The following AGMO variants were observed in gnomAD, a reference collection of about 807,000 sequenced individuals.
The protein encoded by AGMO is alkylglycerol monooxygenase, also known as glyceryl-ether monooxygenase.
Under a neutral mutation model 60.2 loss-of-function variants are expected in AGMO, and 75 were observed. The ratio of observed to expected loss-of-function variants is 1.25; its 90% CI spans 1.03 to 1.51. The LOEUF (loss-of-function observed/expected upper bound fraction) is 1.51. Among genes scored for constraint, AGMO ranks in the 40% most tolerant of loss-of-function variants. The pLI, the probability that AGMO is intolerant of heterozygous loss-of-function variation, is 0.00. For missense variants in AGMO, 763 were observed against 525.5 expected (o/e 1.45, Z -4.42); for synonymous variants, 261 against 177.1 (o/e 1.47, Z -3.76).
At chr7:15,424,617 T>C (rs961401485) in intron 4 of AGMO, among the ~76,000 whole-genome samples, 30 of 152,340 alleles carry the variant, frequency 2.0e-4, no homozygotes, top group African/African-American at 6.0e-4. Flanking sequence ...TGACGCATGC[T>C]AGCATTAGTC....
At chr7:15,463,005 A>G (rs954168106) in intron 3 of AGMO, among the ~76,000 whole-genome samples, 6 of 152,182 alleles carry the variant, frequency 3.9e-5, no homozygotes, top group Admixed American at 3.9e-4. Flanking sequence ...ATGTGAATCA[A>G]GTTAGCTGGA....
chr7:15,374,142 T>G (rs1245039980), intron 10 of AGMO, among the ~76,000 whole-genome samples: 1 of 151,578 alleles, frequency 6.6e-6, no homozygotes, highest in Non-Finnish European at 1.5e-5. Flanking sequence ...GACACCATAC[T>G]GCAATGTATA....
intron 5 of AGMO, among the ~76,000 whole-genome samples, chr7:15,414,045 T>A (rs1343908446): frequency 1.3e-5 from 2 of 152,130 alleles, no homozygotes; most frequent in African/African-American, 4.8e-5. Flanking sequence ...TCTCACTCTG[T>A]CACCCAGGCT....
chr7:15,181,534 T>G, the AGMO span, among the ~76,000 whole-genome samples: 3 of 152,206 alleles, frequency 2.0e-5, no homozygotes, highest in Admixed American at 6.5e-5. Context: ...CCTATTCTAT[T>G]TTTGTTCTAG....
intron 12 of AGMO, among the ~76,000 whole-genome samples, chr7:15,266,393 G>A (rs983300725): frequency 3.4e-5 from 5 of 148,854 alleles, no homozygotes; most frequent in African/African-American, 4.9e-5. Context: ...TTACTGCAAT[G>A]GAAAAAGCAA....
At chr7:15,248,124 T>G (rs1257175395) in intron 12 of AGMO, among the ~76,000 whole-genome samples, 1 of 136,458 alleles carries the variant, frequency 7.3e-6, no homozygotes, top group African/African-American at 2.7e-5. Context: ...TGTTGTGGTG[T>G]AAGACGAGTT....
intron 12 of AGMO, among the ~76,000 whole-genome samples, chr7:15,361,991 T>C (rs1782785161): frequency 6.6e-6 from 1 of 152,162 alleles, no homozygotes; most frequent in African/African-American, 2.4e-5. Context: ...TTCACTGACA[T>C]TGATTCTAGT....
rs1186749983 is a variant in AGMO at position 15,329,810 on chromosome 7, C to T, written c.1263+35704G>A. Among the ~76,000 whole-genome samples, 4 of 152,078 alleles carry T rather than the reference C, an allele frequency of 2.6e-5. No individual in the cohort carries two copies. The East Asian group carries it at 7.7e-4, about 29-fold the overall frequency. On this transcript the variant is annotated intron_variant, in intron 12 of 12. Coordinates refer to ENST00000342526, the MANE Select transcript of AGMO (RefSeq NM_001004320.2). ...AAAACTCTCTCTGGGAATTCAGATG[C>T]TATTTGCTGAAGTGGGTAAGGAAGC...
intron 3 of AGMO, among the ~76,000 whole-genome samples, chr7:15,471,688 A>C (rs952075799): frequency 6.6e-6 from 1 of 151,880 alleles, no homozygotes; most frequent in Non-Finnish European, 1.5e-5. Flanking sequence ...CATTTTTCTT[A>C]ACTTCAACCT....
At chr7:15,542,260 G>GGCT (rs1583667407) in intron 3 of AGMO, among the ~76,000 whole-genome samples, 1 of 152,174 alleles carries the variant, frequency 6.6e-6, no homozygotes, top group East Asian at 1.9e-4. Flanking sequence ...CTTACGGTTT[G>GGCT]GCTCCATAGC....
chr7:15,459,011 T>A (rs1252605942), intron 3 of AGMO, among the ~76,000 whole-genome samples: 1 of 152,182 alleles, frequency 6.6e-6, no homozygotes, highest in Non-Finnish European at 1.5e-5. Context: ...TAGTTCAATC[T>A]AATGCATATA....
chr7:15,311,180 T>C (rs1190289026), intron 12 of AGMO, among the ~76,000 whole-genome samples: 1 of 151,408 alleles, frequency 6.6e-6, no homozygotes, highest in Non-Finnish European at 1.5e-5. Context: ...AATGCTAGAT[T>C]AAAAAAAAAT....
chr7:15,428,521 A>G (rs1781133390), intron 4 of AGMO, among the ~76,000 whole-genome samples: 1 of 152,146 alleles, frequency 6.6e-6, no homozygotes, highest in African/African-American at 2.4e-5. Flanking sequence ...GTTACTTTGT[A>G]TGCATTGACT....
intron 3 of AGMO, among the ~76,000 whole-genome samples, chr7:15,512,719 T>C (rs1357124627): frequency 6.6e-6 from 1 of 152,236 alleles, no homozygotes; most frequent in Non-Finnish European, 1.5e-5. Flanking sequence ...TAGAAATTTT[T>C]CTATTTCAAT....
intron 2 of AGMO, among the ~76,000 whole-genome samples, chr7:15,558,883 C>T (rs1209955411): frequency 1.3e-5 from 2 of 151,900 alleles, no homozygotes; most frequent in African/African-American, 4.8e-5. Context: ...TTAATAGAAA[C>T]ATTCCAAAGC....
At chr7:15,548,303 A>G (rs1784846683) in intron 2 of AGMO, among the ~76,000 whole-genome samples, 1 of 152,158 alleles carries the variant, frequency 6.6e-6, no homozygotes, top group Non-Finnish European at 1.5e-5. Context: ...GCAACGGAAC[A>G]AAGCTGGATG....
chr7:15,381,039 T>G (rs935715008), intron 10 of AGMO, among the ~76,000 whole-genome samples: 1 of 152,018 alleles, frequency 6.6e-6, no homozygotes, highest in African/African-American at 2.4e-5. Flanking sequence ...CAGCATAGAT[T>G]AAAGACTTAA....
At chr7:15,550,006 A>C (rs1784901844) in intron 2 of AGMO, among the ~76,000 whole-genome samples, 1 of 152,092 alleles carries the variant, frequency 6.6e-6, no homozygotes, top group Non-Finnish European at 1.5e-5. Flanking sequence ...CTCAGGATTA[A>C]GAATCTCACT....
chr7:15,212,024 T>C (rs1781605673), intron 12 of AGMO, among the ~76,000 whole-genome samples: 1 of 151,892 alleles, frequency 6.6e-6, no homozygotes, highest in African/African-American at 2.4e-5. Context: ...GGAAGAAAGG[T>C]CAGAAAAATG....
Sources: gnomAD v4.1 joint callset for allele counts (sites outside exome capture counted in the v4.1 genomes callset) on GRCh38, gnomAD v4.1.1 for gene constraint, MANE v1.5 for transcripts, NCBI Gene and HGNC (gene_info 2026-07-23, HGNC 2026-07-21) for gene names.